Variants in POLN observed in about 807,000 individuals in gnomAD.
POLN encodes DNA polymerase N.
POLN carries 108 observed loss-of-function variants against 113.5 expected under a neutral mutation model. The observed-to-expected ratio is 0.95, with a 90% CI of 0.81 to 1.12. POLN has a LOEUF of 1.12. Among genes scored for constraint, POLN ranks in the 50% most tolerant of loss-of-function variants. POLN has a pLI of 0.00. For synonymous variants in POLN, 386 were observed against 391.5 expected (o/e 0.99, Z 0.17); for missense variants, 1,097 against 1,077.1 (o/e 1.02, Z -0.26).
intron 11 of POLN, 36 bp downstream of exon 11, chr4:2,173,919 G>A (rs576047470): frequency 1.3e-6 from 2 of 1,586,320 alleles, no homozygotes; most frequent in Non-Finnish European, 1.7e-6. Flanking sequence ...GCAGGAAAGA[G>A]ATGGCCAGTA....
chr4:2,236,138 A>G, intron 2 of POLN: 1 of 705,868 alleles, frequency 1.4e-6, no homozygotes, highest in Non-Finnish European at 2.3e-6. Flanking sequence ...AATTGGGGTA[A>G]TATTTTCCTC....
At position 2,075,447 on chromosome 4, in the gene POLN, G is replaced by A. The variant is rs748352302; in HGVS notation, c.2455+5C>T. 4 of 1,613,280 alleles carry A rather than the reference G, an allele frequency of 2.5e-6. No homozygotes were observed. The highest frequency in any genetic ancestry group is 1.7e-5 in the Admixed American group (1 of 59,904). ...TCCAAGCAACCCTGTGTTGCCCCAG[G>A]CTACCTGCACACTCCGGGATCTGCG... On this transcript the variant is annotated splice_donor_5th_base_variant and intron_variant, in intron 24 of 25. Coordinates refer to ENST00000511885, the MANE Select transcript of POLN (RefSeq NM_181808.4).
intron 14 of POLN, among the ~76,000 whole-genome samples, chr4:2,158,471 A>T (rs1732494532): frequency 6.6e-6 from 1 of 152,142 alleles, no homozygotes; most frequent in African/African-American, 2.4e-5. Context: ...GCAAAGATAA[A>T]CAGATAAACA....
At chr4:2,176,831 T>G (rs143932630) in intron 8 of POLN, among the ~76,000 whole-genome samples, 1 of 152,258 alleles carries the variant, frequency 6.6e-6, no homozygotes, top group East Asian at 1.9e-4. Flanking sequence ...TGTGTTCAGC[T>G]GACAAAGAGG....
intron 9 of POLN, among the ~76,000 whole-genome samples, chr4:2,175,795 G>T (rs558959016): frequency 1.3e-5 from 2 of 152,274 alleles, no homozygotes; most frequent in East Asian, 3.9e-4. Context: ...GGGGCAGGAG[G>T]GAGGGAAACA....
chr4:2,216,151 C>T (rs1734107697), intron 3 of POLN, among the ~76,000 whole-genome samples: 1 of 152,240 alleles, frequency 6.6e-6, no homozygotes, highest in Non-Finnish European at 1.5e-5. Context: ...ATGGAAATTA[C>T]ATTCCTTGCC....
At chr4:2,174,435 G>A (rs1732944750) in intron 10 of POLN, among the ~76,000 whole-genome samples, 1 of 152,140 alleles carries the variant, frequency 6.6e-6, no homozygotes, top group Non-Finnish European at 1.5e-5. Flanking sequence ...ATCTAGAGAA[G>A]CCTACTCCTC....
chr4:2,150,184 T>C lies in POLN; in HGVS notation c.1731+6604A>G, dbSNP rs184724440. ...CACAAATAGTTTAAAAGTAAAAGAA[T>C]AGAAAATACCATGCTAATATTCAAA... is the stretch of plus-strand genomic sequence containing the variant. On this transcript the variant is annotated intron_variant, in intron 16 of 25. Transcript: ENST00000511885. Among the ~76,000 whole-genome samples the C allele has an allele frequency of 1.1e-3, 172 of 152,184 alleles. 1 individual carries two copies. The Middle Eastern group carries it at 0.017, about 15-fold the overall frequency.
chr4:2,095,906 T>C lies in POLN; in HGVS notation c.2010A>G (p.Thr670=), dbSNP rs780481143. ...QWKDVPVEQV[T]HADREQTKKV... ...TCTTGGTTTGCTCTCTGTCTGCGTG[T>C]GTCACCTGTTCCACGGGCACATCCT... is the stretch of plus-strand genomic sequence containing the variant. Residue 670 remains threonine (T), a synonymous_variant, in exon 20 of 26, where the codon ACA becomes ACG. Coordinates refer to ENST00000511885, the MANE Select transcript of POLN (RefSeq NM_181808.4). 6.8e-6 allele frequency: 11 copies of C among 1,614,184 alleles called. No homozygotes were observed. The highest frequency in any genetic ancestry group is 9.3e-6 in the Non-Finnish European group (11 of 1,180,026).
At chr4:2,170,999 A>G in intron 12 of POLN, 99 bp downstream of exon 12, 1 of 1,125,814 alleles carries the variant, frequency 8.9e-7, no homozygotes, top group Non-Finnish European at 1.3e-6. Flanking sequence ...TACTTTTCAG[A>G]TAGTTGACAT....
intron 20 of POLN, among the ~76,000 whole-genome samples, chr4:2,090,825 C>T (rs1730647122): frequency 6.6e-6 from 1 of 152,180 alleles, no homozygotes; most frequent in Non-Finnish European, 1.5e-5. Flanking sequence ...AAGTCTGTCC[C>T]ATTCATGCAT....
chr4:2,210,630 T>TA (rs550506550), intron 4 of POLN, among the ~76,000 whole-genome samples: 10 of 88,606 alleles, frequency 1.1e-4, no homozygotes, highest in Admixed American at 2.3e-4. Flanking sequence ...ATAATAATAA[T>TA]AAAAAAAAGA....
At chr4:2,183,644 G>A (rs1733197015) in intron 7 of POLN, among the ~76,000 whole-genome samples, 1 of 152,108 alleles carries the variant, frequency 6.6e-6, no homozygotes, top group African/African-American at 2.4e-5. Flanking sequence ...ACAGATTAGT[G>A]CTTGCCAGAG....
chr4:2,161,461 G>T (rs921133816), intron 13 of POLN, among the ~76,000 whole-genome samples: 1 of 152,236 alleles, frequency 6.6e-6, no homozygotes, highest in Non-Finnish European at 1.5e-5. Flanking sequence ...TCAGCCCACC[G>T]GCGCTGCGCT....
At chr4:2,088,232 C>G (rs1258089075) in intron 20 of POLN, among the ~76,000 whole-genome samples, 2 of 152,008 alleles carry the variant, frequency 1.3e-5, no homozygotes, top group Non-Finnish European at 2.9e-5. Context: ...TAGTATTTAT[C>G]TACAGAAAAA....
chr4:2,157,678 CT>C (rs1307307675), intron 15 of POLN, among the ~76,000 whole-genome samples, 179 bp downstream of exon 15: 2 of 145,836 alleles, frequency 1.4e-5, no homozygotes, highest in Non-Finnish European at 3.0e-5. Flanking sequence ...AGCTGAGATC[CT>C]GACACTGCAC....
intron 19 of POLN, among the ~76,000 whole-genome samples, chr4:2,102,504 T>G (rs1435169379): frequency 6.6e-6 from 1 of 152,096 alleles, no homozygotes; most frequent in Non-Finnish European, 1.5e-5. Context: ...GCTACTACCA[T>G]CACTCAAACC....
Position 2,107,272 on chromosome 4 carries a change from C to T in POLN, c.1983-11339G>A, listed in dbSNP as rs151270062. 4.4e-3 allele frequency among the ~76,000 whole-genome samples: 669 copies of T among 152,266 alleles called. 1 individual carries two copies. The highest frequency in any genetic ancestry group is 6.6e-3 in the Non-Finnish European group (452 of 68,026). ...TTGGTTTCGTAGGCAGGTAATCATACCATCTTCACCAAATGATGGGTTCAC... is the reference window on the plus strand; with the variant it reads ...TTGGTTTCGTAGGCAGGTAATCATATCATCTTCACCAAATGATGGGTTCAC... On this transcript the variant is annotated intron_variant, in intron 19 of 25. Coordinates refer to ENST00000511885, the MANE Select transcript of POLN (RefSeq NM_181808.4).
chr4:2,072,856 G>T, intron 25 of POLN, 112 bp downstream of exon 25: 1 of 1,120,656 alleles, frequency 8.9e-7, no homozygotes, highest in Non-Finnish European at 1.3e-6. Context: ...CTGTGGAGTG[G>T]CCATCTCGGG....
Sources: allele counts gnomAD v4.1 joint callset (sites outside exome capture counted in the v4.1 genomes callset), GRCh38; gene constraint gnomAD v4.1.1; transcripts MANE v1.5; gene names NCBI Gene and HGNC (gene_info 2026-07-23, HGNC 2026-07-21).